The following GATAD2A variants were observed in gnomAD, a reference collection of about 807,000 sequenced individuals.
The protein encoded by GATAD2A is transcriptional repressor p66-alpha.
GATAD2A carries 12 observed loss-of-function variants against 68.5 expected under a neutral mutation model. That is an observed-to-expected ratio of 0.18 (90% CI 0.11 to 0.28). GATAD2A has a LOEUF of 0.28. GATAD2A is among the 10% of genes least tolerant of loss of function. The pLI is 1.00. For missense variants in GATAD2A, 755 were observed against 868.5 expected, an observed-to-expected ratio of 0.87 and a Z score of 1.64; for synonymous variants, 410 against 375.3, an observed-to-expected ratio of 1.09 and a Z score of -1.07.
At chr19:19,445,166 G>C (rs572686935) in intron 1 of GATAD2A, among the ~76,000 whole-genome samples, 3 of 152,110 alleles carry the variant, frequency 2.0e-5, no homozygotes, top group African/African-American at 7.2e-5. Flanking sequence ...TGTAGGACTC[G>C]TGGTTGGTGG....
At chr19:19,412,633 G>A (rs180977918) in intron 1 of GATAD2A, among the ~76,000 whole-genome samples, 6 of 151,436 alleles carry the variant, frequency 4.0e-5, no homozygotes, top group African/African-American at 4.8e-5. Context: ...CTCTGTCTGC[G>A]GGGGGGATAA....
intron 1 of GATAD2A, among the ~76,000 whole-genome samples, chr19:19,437,427 A>G (rs186148114): frequency 2.6e-5 from 4 of 152,214 alleles, no homozygotes; most frequent in African/African-American, 9.6e-5. Context: ...ACTCAAAAAA[A>G]TTTTTTGAGA....
rs192927977 is a variant in GATAD2A at position 19,426,618 on chromosome 19, C to G, written c.-7+20599C>G. On this transcript the variant is annotated intron_variant, in intron 1 of 11. Transcript: ENST00000683918. ...CTCCGCCTCCTGGGTTCCAGTGATT[C>G]TTGTGCCTCAGCCTCCCGAGTAGCT... Among the ~76,000 whole-genome samples the G allele has an allele frequency of 1.3e-3, 205 of 152,288 alleles. 1 individual carries two copies. The highest frequency in any genetic ancestry group is 2.6e-3 in the Non-Finnish European group (179 of 68,012).
At chr19:19,462,863 G>A (rs1343991505) in intron 1 of GATAD2A, among the ~76,000 whole-genome samples, 1 of 152,206 alleles carries the variant, frequency 6.6e-6, no homozygotes, top group African/African-American at 2.4e-5. Flanking sequence ...CAGGGTCTTG[G>A]GTTCAAATGG....
rs995625909 is a variant in GATAD2A, at chr19:19,457,053, G to C, written c.-6-8287G>C. On this transcript the variant is annotated intron_variant, in intron 1 of 11. Coordinates refer to ENST00000683918, the MANE Select transcript of GATAD2A (RefSeq NM_001384528.1). ...CCCTGAGGATCCCAGAGCTGAAAGTGAGTTTGAAGTGTCCGATCCAGTCCT... is the reference window on the plus strand; with the variant it reads ...CCCTGAGGATCCCAGAGCTGAAAGTCAGTTTGAAGTGTCCGATCCAGTCCT... 1.0e-5 allele frequency: 10 copies of C among 978,144 alleles called. No homozygotes were observed. The African/African-American group carries it at 1.4e-4, about 14-fold the overall frequency. The allele number at this position is 978,144 out of a possible 1,614,324, so 60.6% of individuals were successfully genotyped here.
intron 2 of GATAD2A, 37 bp downstream of exon 2, chr19:19,465,651 G>A (rs2148020820): frequency 6.4e-7 from 1 of 1,562,362 alleles, no homozygotes; most frequent in East Asian, 2.4e-5. Flanking sequence ...GCTGGAACCT[G>A]GAGACAAGCC....
intron 2 of GATAD2A, among the ~76,000 whole-genome samples, chr19:19,489,015 A>G (rs1050102818): frequency 6.6e-6 from 1 of 152,290 alleles, no homozygotes; most frequent in Admixed American, 6.5e-5. Flanking sequence ...ATAATTAAAT[A>G]TTTCCCTGAA....
chr19:19,502,036 T>G lies in GATAD2A; in HGVS notation c.1571T>G (p.Val524Gly), dbSNP rs2148496299. 1 of 1,613,184 alleles carries G rather than the reference T, an allele frequency of 6.2e-7. No homozygotes were observed. The highest frequency in any genetic ancestry group is 8.5e-7 in the Non-Finnish European group (1 of 1,179,422). ...GEARDWSNGAVLQASSQLSRG... is the reference protein window; with the variant it reads ...GEARDWSNGAGLQASSQLSRG... ...GCCCGCGACTGGAGTAACGGGGCTG[T>G]GCTACAGGTCAGAACCGCACTGGGC... The change falls in exon 10 of 12, where the codon GTG becomes GGG. Residue 524 changes from valine (V) to glycine (G), a missense_variant. Physicochemically the swap from Val to Gly is moderately radical, Grantham distance 109. Transcript: ENST00000683918.
intron 1 of GATAD2A, among the ~76,000 whole-genome samples, chr19:19,446,463 T>C (rs974738084): frequency 6.6e-6 from 1 of 152,120 alleles, no homozygotes; most frequent in Admixed American, 6.5e-5. Flanking sequence ...TTTGCTATAA[T>C]TTTTTCCCAT....
intron 1 of GATAD2A, among the ~76,000 whole-genome samples, chr19:19,408,167 A>G (rs768951621): frequency 7.2e-4 from 109 of 152,088 alleles, no homozygotes; most frequent in Non-Finnish European, 1.3e-3. Flanking sequence ...TTGTATTTTT[A>G]GTAGAGACGG....
chr19:19,471,830 T>C (rs1164653278), intron 2 of GATAD2A, among the ~76,000 whole-genome samples: 1 of 151,894 alleles, frequency 6.6e-6, no homozygotes, highest in Non-Finnish European at 1.5e-5. Flanking sequence ...GTCGTGGGCA[T>C]GTGCTGCCCC....
chr19:19,436,293 C>A, intron 1 of GATAD2A: 1 of 787,716 alleles, frequency 1.3e-6, no homozygotes, highest in Non-Finnish European at 2.0e-6. Context: ...GCTTCTTGGA[C>A]ACTTTAAAGT....
intron 1 of GATAD2A, among the ~76,000 whole-genome samples, chr19:19,442,517 C>T (rs1001639863): frequency 6.6e-6 from 1 of 152,058 alleles, no homozygotes; most frequent in Admixed American, 6.5e-5. Flanking sequence ...ATCCCAGCTA[C>T]TCGAGAGGCT....
chr19:19,438,747 G>A (rs1462848156), intron 1 of GATAD2A, among the ~76,000 whole-genome samples: 1 of 152,204 alleles, frequency 6.6e-6, no homozygotes, highest in Non-Finnish European at 1.5e-5. Flanking sequence ...TTTTCCTTTG[G>A]CCTGTGCTTG....
intron 1 of GATAD2A, among the ~76,000 whole-genome samples, chr19:19,457,770 C>T (rs2057070249): frequency 6.6e-6 from 1 of 152,014 alleles, no homozygotes; most frequent in Non-Finnish European, 1.5e-5. Flanking sequence ...AACAAAAGGC[C>T]CCTTGCACAC....
intron 1 of GATAD2A, among the ~76,000 whole-genome samples, chr19:19,409,661 TAAG>T (rs1237280032): frequency 1.3e-5 from 2 of 152,036 alleles, no homozygotes; most frequent in Admixed American, 6.6e-5. Context: ...GTATTAAAAA[TAAG>T]AAGGTTGAGA....
rs1197965685 is a variant in GATAD2A at position 19,405,981 on chromosome 19, C to T, written c.-45C>T. 3.3e-5 allele frequency: 5 copies of T among 150,702 alleles called. No individual in the cohort carries two copies. The East Asian group carries it at 9.7e-4, about 29-fold the overall frequency. The allele number at this position is 150,702 out of a possible 1,614,324, so 9.3% of individuals were successfully genotyped here. A position where few individuals can be genotyped will look rare whatever the true frequency, so the allele number is the denominator to read the frequency against. ...GACCCCGGACCAGCAGCCCCCGTAA[C>T]CTGCGCGCTGCCCTAGGGCCCGGCC... On this transcript the variant is annotated 5_prime_UTR_variant, in exon 1 of 12. Coordinates refer to ENST00000683918, the MANE Select transcript of GATAD2A (RefSeq NM_001384528.1).
chr19:19,498,426 GT>G lies in GATAD2A; in HGVS notation c.925-12del, dbSNP rs1349342144. On this transcript the variant is annotated splice_polypyrimidine_tract_variant and intron_variant, in intron 7 of 11. Coordinates refer to ENST00000683918, the MANE Select transcript of GATAD2A (RefSeq NM_001384528.1). Reference sequence around the variant, plus strand: ...CAGGCGCACGGAGCGCCCTGACTGAGTTTTTGTCTCCCAAAGCCCACCCCAG... The same window carrying G: ...CAGGCGCACGGAGCGCCCTGACTGAGTTTTGTCTCCCAAAGCCCACCCCAG... 1.3e-6 allele frequency: 2 copies of G among 1,595,716 alleles called. No individual in the cohort carries two copies. The highest frequency in any genetic ancestry group is 8.6e-7 in the Non-Finnish European group (1 of 1,166,034).
intron 2 of GATAD2A, among the ~76,000 whole-genome samples, chr19:19,472,204 T>G (rs898454091): frequency 2.0e-5 from 3 of 152,120 alleles, no homozygotes; most frequent in Non-Finnish European, 4.4e-5. Context: ...CGGTTCTTTC[T>G]GTTTTGTTTT....
Sources: gnomAD v4.1 joint callset for allele counts (sites outside exome capture counted in the v4.1 genomes callset) on GRCh38, gnomAD v4.1.1 for gene constraint, MANE v1.5 for transcripts, NCBI Gene and HGNC (gene_info 2026-07-23, HGNC 2026-07-21) for gene names.